TAF4B: variants seen among roughly 807,000 people sequenced by gnomAD.
The protein encoded by TAF4B is TATA-box binding protein associated factor 4b, also known as transcription initiation factor TFIID subunit 4B.
A neutral mutation model predicts 86.4 loss-of-function variants in TAF4B; 38 were observed. That is an observed-to-expected ratio of 0.44 (90% CI 0.34 to 0.58). The LOEUF is 0.58. Among genes scored for constraint, TAF4B ranks in the 20% least tolerant of loss-of-function variants. The pLI is 0.02. For synonymous variants in TAF4B, 388 were observed against 391.2 expected (o/e 0.99, Z 0.10); for missense variants, 988 against 1,027.6 (o/e 0.96, Z 0.53).
intron 9 of TAF4B, among the ~76,000 whole-genome samples, chr18:26,312,443 G>A (rs1219605040): frequency 5.9e-5 from 9 of 152,156 alleles, no homozygotes; most frequent in Admixed American, 5.9e-4. Context: ...AGGGAGTTGT[G>A]TTCAGCTTGG....
intron 6 of TAF4B, among the ~76,000 whole-genome samples, chr18:26,285,403 G>T (rs1222366343): frequency 6.6e-6 from 1 of 151,450 alleles, no homozygotes; most frequent in Non-Finnish European, 1.5e-5. Flanking sequence ...GCCTAGGCTG[G>T]TCTCAAACTC....
Position 26,286,416 on chromosome 18 carries a change from C to G in TAF4B, c.1507C>G (p.Pro503Ala), listed in dbSNP as rs749184160. The G allele has an allele frequency of 2.5e-6, 4 of 1,614,206 alleles. No individual in the cohort carries two copies. The East Asian group carries it at 8.9e-5, about 36-fold the overall frequency. Residue 503 changes from proline to alanine, a missense_variant, in exon 7 of 15, where the codon CCA becomes GCA. Pro to Ala is a conservative substitution (Grantham distance 27). Around this residue, in one of 3 missense-constraint regions of TAF4B, gnomAD observed 747 missense variants for 737.9 expected, o/e 1.01. Coordinates refer to ENST00000269142, the MANE Select transcript of TAF4B (RefSeq NM_005640.3). ...TTSDKPVIGT[P>A]VQIKLAQPGP... Reference sequence around the variant, plus strand: ...ATCTGACAAGCCTGTTATTGGGACTCCAGTTCAAATCAAACTTGCCCAGCC... The same window carrying G: ...ATCTGACAAGCCTGTTATTGGGACTGCAGTTCAAATCAAACTTGCCCAGCC...
chr18:26,355,290 A>G (rs532165385), intron 13 of TAF4B, among the ~76,000 whole-genome samples: 1 of 152,164 alleles, frequency 6.6e-6, no homozygotes, highest in Non-Finnish European at 1.5e-5. Flanking sequence ...ATATATAGAT[A>G]ACTTGGGGTT....
intron 9 of TAF4B, among the ~76,000 whole-genome samples, chr18:26,311,085 G>C (rs2056849778): frequency 6.6e-6 from 1 of 151,748 alleles, no homozygotes; most frequent in African/African-American, 2.4e-5. Flanking sequence ...TTTCATACTA[G>C]GAAAAAAGCT....
chr18:26,338,860 G>A (rs915290834), intron 13 of TAF4B, among the ~76,000 whole-genome samples: 2 of 152,142 alleles, frequency 1.3e-5, no homozygotes, highest in Non-Finnish European at 2.9e-5. Context: ...GACAAATTGT[G>A]TTAAAATGGA....
chr18:26,361,360 A>G (rs1481702820), intron 14 of TAF4B, among the ~76,000 whole-genome samples: 2 of 150,764 alleles, frequency 1.3e-5, no homozygotes, highest in Non-Finnish European at 3.0e-5. Flanking sequence ...CCTGGCCTCA[A>G]GCAGTCCTCC....
intron 13 of TAF4B, among the ~76,000 whole-genome samples, chr18:26,337,789 G>A (rs1030085642): frequency 6.6e-6 from 1 of 152,172 alleles, no homozygotes; most frequent in Non-Finnish European, 1.5e-5. Context: ...CATTTAGGAT[G>A]CACTAATCAC....
At chr18:26,278,597 C>T (rs1034719841) in intron 5 of TAF4B, among the ~76,000 whole-genome samples, 5 of 148,132 alleles carry the variant, frequency 3.4e-5, no homozygotes, top group African/African-American at 1.2e-4. Context: ...GTGTGAGCCA[C>T]TGTGCTTGGC....
chr18:26,318,555 A>G (rs1018177923), intron 10 of TAF4B, among the ~76,000 whole-genome samples: 7 of 152,206 alleles, frequency 4.6e-5, no homozygotes, highest in African/African-American at 1.7e-4. Flanking sequence ...TAACAGATAA[A>G]ATGCCAGTGT....
Position 26,239,194 on chromosome 18 carries a change from G to A in TAF4B, c.343+11918G>A, listed in dbSNP as rs537626848. Among the ~76,000 whole-genome samples the A allele has an allele frequency of 1.2e-4, 19 of 152,164 alleles. No homozygotes were observed. In the East Asian group the frequency reaches 2.6e-3, roughly 21 times the overall value. On this transcript the variant is annotated intron_variant, in intron 1 of 14. Coordinates refer to ENST00000269142, the MANE Select transcript of TAF4B (RefSeq NM_005640.3). ...TCTTCCACAATGGTTGAACTAGTTT[G>A]CATTCCCACCAACAGTGTAAAAGTG...
At chr18:26,378,163 G>T (rs897203926) in intron 14 of TAF4B, among the ~76,000 whole-genome samples, 1 of 152,120 alleles carries the variant, frequency 6.6e-6, no homozygotes, top group Non-Finnish European at 1.5e-5. Flanking sequence ...TGTGCTGTTG[G>T]CATTTTGTGG....
intron 11 of TAF4B, among the ~76,000 whole-genome samples, chr18:26,323,526 ATTT>A (rs11310174): frequency 4.1e-4 from 53 of 130,652 alleles, no homozygotes; most frequent in Non-Finnish European, 4.9e-4. Flanking sequence ...CACCCAACTA[ATTT>A]TTTTTTTTTT....
chr18:26,234,003 T>C (rs2055710752), intron 1 of TAF4B, among the ~76,000 whole-genome samples: 1 of 152,200 alleles, frequency 6.6e-6, no homozygotes, highest in South Asian at 2.1e-4. Context: ...TCAATACCTA[T>C]ATGAAAAGTT....
At chr18:26,269,065 G>A (rs1359997592) in intron 3 of TAF4B, among the ~76,000 whole-genome samples, 2 of 151,932 alleles carry the variant, frequency 1.3e-5, no homozygotes, top group South Asian at 2.1e-4. Flanking sequence ...CAAGTAATCC[G>A]CCTACCTCAG....
In TAF4B at chr18:26,379,504, C is replaced by G. The variant is rs376131707; in HGVS notation, c.2422-10341C>G. ...ATAGCTTATGTTGAAAACCAATTAA[C>G]TATATATGTGGACATATCTATACAC... On this transcript the variant is annotated intron_variant, in intron 14 of 14. Transcript: ENST00000269142. Among the ~76,000 whole-genome samples the G allele has an allele frequency of 2.6e-5, 4 of 152,150 alleles. No homozygotes were observed. The East Asian group carries it at 5.8e-4, about 22-fold the overall frequency.
chr18:26,238,367 A>G (rs2144449414), intron 1 of TAF4B, among the ~76,000 whole-genome samples: 1 of 152,220 alleles, frequency 6.6e-6, no homozygotes, highest in East Asian at 1.9e-4. Flanking sequence ...ATGAATAGGA[A>G]GGATATAATT....
chr18:26,274,536 T>TAC, intron 3 of TAF4B, 127 bp from the exon 4 acceptor site: 1 of 1,002,360 alleles, frequency 1.0e-6, no homozygotes, highest in Non-Finnish European at 1.5e-6. Flanking sequence ...TTATATTGCC[T>TAC]TAGACTACTA....
At chr18:26,307,727 G>A (rs1378874570) in intron 9 of TAF4B, among the ~76,000 whole-genome samples, 1 of 152,088 alleles carries the variant, frequency 6.6e-6, no homozygotes, top group Non-Finnish European at 1.5e-5. Flanking sequence ...CAATTTTAAT[G>A]TCCATTTTTT....
intron 12 of TAF4B, among the ~76,000 whole-genome samples, chr18:26,331,257 G>T (rs1456077503): frequency 6.6e-6 from 1 of 152,142 alleles, no homozygotes; most frequent in African/African-American, 2.4e-5. Flanking sequence ...TGTAAACAAG[G>T]TCATAAACTA....
Sources: gnomAD v4.1 joint callset for allele counts (sites outside exome capture counted in the v4.1 genomes callset) on GRCh38, gnomAD v4.1.1 for gene constraint, gnomAD v4.1.1 regional missense constraint, MANE v1.5 for transcripts, NCBI Gene and HGNC (gene_info 2026-07-23, HGNC 2026-07-21) for gene names.